OPALIN: variants seen among roughly 807,000 people sequenced by gnomAD.
The protein encoded by OPALIN is oligodendrocytic myelin paranodal and inner loop protein.
A neutral mutation model predicts 17.8 loss-of-function variants in OPALIN; 15 were observed. The observed-to-expected ratio is 0.84, with a 90% CI of 0.56 to 1.29. The LOEUF is 1.29. Ranked by LOEUF, OPALIN falls within the 50% of genes most tolerant of loss-of-function variation. OPALIN has a pLI of 0.00. For missense variants in OPALIN, 170 were observed against 176.0 expected (o/e 0.97, Z 0.19); for synonymous variants, 62 against 63.8 (o/e 0.97, Z 0.14).
intron 1 of OPALIN, chr10:96,356,930 C>A (rs1845846375): frequency 4.1e-6 from 4 of 985,314 alleles, no homozygotes; most frequent in East Asian, 2.3e-4. Context: ...CGGTGACAAC[C>A]TCTTTCCACC....
chr10:96,352,199 G>A (rs144249025), intron 2 of OPALIN, among the ~76,000 whole-genome samples: 197 of 152,242 alleles, frequency 1.3e-3, no homozygotes, highest in African/African-American at 4.6e-3. Context: ...TGAATGAGGA[G>A]CAGAACTATG....
In OPALIN at chr10:96,344,686, G is replaced by C. The variant is rs533184458; in HGVS notation, c.*1255C>G. 6.6e-5 allele frequency: 10 copies of C among 152,200 alleles called. No individual in the cohort carries two copies. The East Asian group carries it at 1.9e-3, about 29-fold the overall frequency. 9.4% of individuals were successfully genotyped at this position (152,200 alleles called of 1,614,324 possible). A position where few individuals can be genotyped will look rare whatever the true frequency, so the allele number is the denominator to read the frequency against. On this transcript the variant is annotated 3_prime_UTR_variant, in exon 6 of 6. Coordinates refer to ENST00000371172, the MANE Select transcript of OPALIN (RefSeq NM_033207.5). ...GCTGAAGCGGCAATGCTATGCGTGG[G>C]CTTAAGGGCTCTTGTTTAATCTGAA...
intron 3 of OPALIN, among the ~76,000 whole-genome samples, chr10:96,350,689 C>A (rs1845543408): frequency 6.6e-6 from 1 of 152,164 alleles, no homozygotes; most frequent in Admixed American, 6.5e-5. Context: ...AAAAAAGTGA[C>A]ATTTAGCCTT....
At chr10:96,355,786 T>C (rs1845793433) in intron 1 of OPALIN, among the ~76,000 whole-genome samples, 1 of 152,222 alleles carries the variant, frequency 6.6e-6, no homozygotes, top group South Asian at 2.1e-4. Flanking sequence ...CTTCTGTTTT[T>C]GCTACAACTG....
chr10:96,348,156 G>A, intron 5 of OPALIN, 133 bp downstream of exon 5: 2 of 433,692 alleles, frequency 4.6e-6, no homozygotes, highest in South Asian at 8.0e-5. Context: ...AACCTCCTTT[G>A]TGCTTGAGCT....
intron 5 of OPALIN, among the ~76,000 whole-genome samples, chr10:96,347,997 C>T (rs1028990095): frequency 4.6e-5 from 7 of 152,194 alleles, no homozygotes; most frequent in African/African-American, 1.4e-4. Context: ...GTTCATATCA[C>T]TGTTAAGTTT....
rs753205683 is a variant in OPALIN at position 96,346,033 on chromosome 10, C to T, written c.334G>A (p.Glu112Lys). ...CGGTAACGGTCATGCACAGGTTCCT[C>T]GCTTCCTGCTACAGTCTTCACATAT... The part of the protein sequence containing the change: ...HIYVKTVAGS[E>K]EPVHDRYRPT... Residue 112 changes from glutamate to lysine, a missense_variant, in exon 6 of 6, where the codon GAG becomes AAG. Coordinates refer to ENST00000371172, the MANE Select transcript of OPALIN (RefSeq NM_033207.5). 33 of 1,614,058 alleles carry T rather than the reference C, an allele frequency of 2.0e-5. No homozygotes were observed. The Admixed American group carries it at 2.7e-4, about 13-fold the overall frequency.
In OPALIN at chr10:96,349,769, G is replaced by A; in HGVS notation, c.130C>T (p.Leu44=). 1 of 1,613,796 alleles carries A rather than the reference G, an allele frequency of 6.2e-7. No individual in the cohort carries two copies. The highest frequency in any genetic ancestry group is 1.1e-5 in the South Asian group (1 of 91,058). The change falls in exon 4 of 6, where the codon CTG becomes TTG. Residue 44 remains leucine, a synonymous_variant. Coordinates refer to ENST00000371172, the MANE Select transcript of OPALIN (RefSeq NM_033207.5). ...AGIPLLVATA[L]LVALLFTLIH... is the part of the protein sequence containing the mutation. ...AAAGTAAATAGTAAAGCCACCAGCAGGGCTGTGGCCACCAGCAATGGTATG... is the reference window on the plus strand; with the variant it reads ...AAAGTAAATAGTAAAGCCACCAGCAAGGCTGTGGCCACCAGCAATGGTATG...
At chr10:96,348,086 T>C (rs181232585) in intron 5 of OPALIN, among the ~76,000 whole-genome samples, 15 of 152,330 alleles carry the variant, frequency 9.8e-5, no homozygotes, top group Non-Finnish European at 1.5e-4. Context: ...TTATATTAAA[T>C]TGATTGTCTA....
chr10:96,355,986 T>C (rs1317390217), intron 1 of OPALIN, among the ~76,000 whole-genome samples: 2 of 152,220 alleles, frequency 1.3e-5, no homozygotes, highest in Non-Finnish European at 2.9e-5. Context: ...TCCTTTCTCC[T>C]CCCTGTCCCT....
In OPALIN at chr10:96,345,983, CCTT is replaced by C. The variant is rs1471308909; in HGVS notation, c.381_383del (p.Arg129del). On this transcript the variant is annotated inframe_deletion, in exon 6 of 6. Transcript: ENST00000371172. Reference sequence around the variant, plus strand: ...TGGGCACAAGCCACCACAATCCCCTCCTTCTTTCCATTTCTATAGTAGGACGGT... The same window carrying C: ...TGGGCACAAGCCACCACAATCCCCTCCTTTCCATTTCTATAGTAGGACGGT... 1.2e-6 allele frequency: 2 copies of C among 1,614,176 alleles called. No homozygotes were observed. The highest frequency in any genetic ancestry group is 8.5e-7 in the Non-Finnish European group (1 of 1,180,004).
chr10:96,357,074 C>G, intron 1 of OPALIN: 1 of 985,460 alleles, frequency 1.0e-6, no homozygotes, highest in Non-Finnish European at 1.2e-6. Context: ...AGGTCAGGGT[C>G]CTCTTGCTCA....
chr10:96,356,819 T>C (rs1845841047), intron 1 of OPALIN: 1 of 927,416 alleles, frequency 1.1e-6, no homozygotes, highest in South Asian at 5.0e-5. Flanking sequence ...CTCTTGGCAA[T>C]AGGACACCCG....
chr10:96,351,390 A>G lies in OPALIN; in HGVS notation c.60T>C (p.Gly20=). Residue 20 remains glycine (G), a synonymous_variant, in exon 3 of 6, where the codon GGT becomes GGC. Transcript: ENST00000371172. ...PANTTSSPVT[G]GKETDCGPSL... ...GTGATATAGTTACCGTTTCTTTCCCACCTGTGACAGGAGAGGACGTCTGTA... is the reference window on the plus strand; with the variant it reads ...GTGATATAGTTACCGTTTCTTTCCCGCCTGTGACAGGAGAGGACGTCTGTA... The G allele has an allele frequency of 1.9e-6, 3 of 1,540,990 alleles. No individual in the cohort carries two copies. The highest frequency in any genetic ancestry group is 8.8e-7 in the Non-Finnish European group (1 of 1,136,606).
intron 3 of OPALIN, among the ~76,000 whole-genome samples, chr10:96,350,724 A>G (rs117651811): frequency 0.012 from 1,827 of 152,372 alleles, 13 homozygotes; most frequent in Middle Eastern, 0.024. Flanking sequence ...TTTGCAATAA[A>G]TGCATTAACC....
chr10:96,351,249 A>G (rs1044693305), intron 3 of OPALIN, 129 bp downstream of exon 3: 1 of 662,274 alleles, frequency 1.5e-6, no homozygotes, highest in Non-Finnish European at 2.7e-6. Flanking sequence ...CTGGTCAAGA[A>G]TAATTCTTGA....
intron 1 of OPALIN, 63 bp from the exon 2 acceptor site, chr10:96,355,353 C>T: frequency 1.4e-6 from 2 of 1,450,384 alleles, no homozygotes; most frequent in Non-Finnish European, 1.9e-6. Context: ...TCCTCACTTC[C>T]TCAAACTCAC....
intron 1 of OPALIN, chr10:96,357,296 T>A: frequency 6.8e-6 from 2 of 293,142 alleles, no homozygotes; most frequent in Non-Finnish European, 1.0e-5. Flanking sequence ...GTGTTGTTTA[T>A]CAACATTCGG....
intron 1 of OPALIN, 84 bp from the exon 2 acceptor site, chr10:96,355,374 G>A (rs1174653931): frequency 3.9e-6 from 5 of 1,286,076 alleles, no homozygotes; most frequent in Admixed American, 1.7e-5. Context: ...TGACCCTGGT[G>A]GATTCCGAGA....
Sources: gnomAD v4.1 joint callset for allele counts (sites outside exome capture counted in the v4.1 genomes callset) on GRCh38, gnomAD v4.1.1 for gene constraint, MANE v1.5 for transcripts, NCBI Gene and HGNC (gene_info 2026-07-23, HGNC 2026-07-21) for gene names.